DHX32: variants seen among roughly 807,000 people sequenced by gnomAD.
DHX32 encodes the protein putative pre-mRNA-splicing factor ATP-dependent RNA helicase DHX32.
A neutral mutation model predicts 70.0 loss-of-function variants in DHX32; 51 were observed. That is an observed-to-expected ratio of 0.73 (90% CI 0.58 to 0.92). The LOEUF (loss-of-function observed/expected upper bound fraction) is 0.92, where lower values mean the gene tolerates loss of function less well. Among genes scored for constraint, DHX32 ranks in the 40% least tolerant of loss-of-function variants. The probability of loss-of-function intolerance (pLI) is 0.00; values close to 1 mark genes in which losing one functional copy is unlikely to be tolerated. For missense variants in DHX32, 762 were observed against 891.8 expected (o/e 0.85, Z 1.85); for synonymous variants, 310 against 315.3 (o/e 0.98, Z 0.18).
intron 1 of DHX32, among the ~76,000 whole-genome samples, chr10:125,870,586 GCACTTTGGGAGGC>G (rs1264561648): frequency 6.6e-6 from 1 of 152,114 alleles, no homozygotes; most frequent in African/African-American, 2.4e-5. Context: ...TGTAATCTCA[GCACTTTGGGAGGC>G]CAAGGCGGGT....
At chr10:125,863,741 G>A (rs1944203430) in intron 2 of DHX32, among the ~76,000 whole-genome samples, 1 of 152,106 alleles carries the variant, frequency 6.6e-6, no homozygotes, top group South Asian at 2.1e-4. Context: ...GAGCCACCGT[G>A]CCCGGCCAAT....
chr10:125,840,769 T>C, intron 8 of DHX32, 78 bp downstream of exon 8: 2 of 1,435,994 alleles, frequency 1.4e-6, no homozygotes. Context: ...GAATGTTTGA[T>C]GAATAACTAA....
intron 7 of DHX32, 135 bp from the exon 8 acceptor site, chr10:125,841,131 G>T (rs1447362951): frequency 2.2e-6 from 3 of 1,367,972 alleles, no homozygotes; most frequent in Non-Finnish European, 3.0e-6. Flanking sequence ...TGTTATTCTT[G>T]TTTACTTAGA....
Position 125,866,257 on chromosome 10 carries a change from G to A in DHX32, c.476+733C>T, listed in dbSNP as rs1257894971. On this transcript the variant is annotated intron_variant, in intron 2 of 10. Coordinates refer to ENST00000284690, the MANE Select transcript of DHX32 (RefSeq NM_018180.3). This position sits in a 1 kb window ranked among gnomAD's most constrained non-coding sequence, Gnocchi z 4.8. Reference sequence around the variant, plus strand: ...GCTTGAGAAGCACTAGCCCAGAGCAGTGATTTTTCCAGTTTCTTTTTCCTT... The same window carrying A: ...GCTTGAGAAGCACTAGCCCAGAGCAATGATTTTTCCAGTTTCTTTTTCCTT... 6.6e-6 allele frequency among the ~76,000 whole-genome samples: 1 copy of A among 152,270 alleles called. No homozygotes were observed. Among genetic ancestry groups the A allele is most frequent in the Non-Finnish European group, 1.5e-5 (1 of 68,048 alleles).
chr10:125,860,878 G>A (rs1052637381), intron 2 of DHX32, among the ~76,000 whole-genome samples: 92 of 145,264 alleles, frequency 6.3e-4, no homozygotes, highest in Non-Finnish European at 1.2e-3. Flanking sequence ...TCAGCCTCCA[G>A]AGTAGCTGGG....
rs754476166 is a variant in DHX32, at chr10:125,838,211, A to T, written c.2058T>A (p.Pro686=). The T allele has an allele frequency of 6.2e-7, 1 of 1,602,174 alleles. No individual in the cohort carries two copies. The highest frequency in any genetic ancestry group is 1.8e-5 in the Admixed American group (1 of 57,012). The part of the protein sequence containing the change: ...NYIRITSEIS[P]ELFMQLVPQY... ...TTCTTCTCCATTAAACTTACAGTTC[A>T]GGAGAGATTTCTGAGGTAATCCTGA... The change falls in exon 10 of 11, where the codon CCT becomes CCA. Residue 686 remains proline (P), a synonymous_variant. Coordinates refer to ENST00000284690, the MANE Select transcript of DHX32 (RefSeq NM_018180.3).
rs1589713523 is a variant in DHX32 at position 125,863,571 on chromosome 10, C to T, written c.476+3419G>A. Among the ~76,000 whole-genome samples the T allele has an allele frequency of 2.6e-5, 4 of 152,104 alleles. No homozygotes were observed. In the South Asian group the frequency reaches 8.3e-4, roughly 32 times the overall value. ...CACGCCATTCTCCTGCCTCAGCCTC[C>T]TGAGCAGCTGGGACTATAGGCACCT... On this transcript the variant is annotated intron_variant, in intron 2 of 10. Transcript: ENST00000284690.
intron 7 of DHX32, chr10:125,841,236 C>A: frequency 6.2e-7 from 1 of 1,609,676 alleles, no homozygotes; most frequent in Non-Finnish European, 8.5e-7. Context: ...TGGTTAATAT[C>A]CTGCTTCTAT....
intron 6 of DHX32, among the ~76,000 whole-genome samples, chr10:125,852,045 CCT>C (rs761755963): frequency 6.6e-6 from 1 of 152,208 alleles, no homozygotes; most frequent in Non-Finnish European, 1.5e-5. Flanking sequence ...GCCCAGTTCC[CCT>C]GTGCTGCAGT....
At chr10:125,874,312 AT>A (rs1944271813) in intron 1 of DHX32, among the ~76,000 whole-genome samples, 1 of 152,202 alleles carries the variant, frequency 6.6e-6, no homozygotes, top group African/African-American at 2.4e-5. Flanking sequence ...CACTATCTAA[AT>A]TAGTTTAGGA....
intron 2 of DHX32, among the ~76,000 whole-genome samples, chr10:125,860,410 TA>T (rs1944179168): frequency 6.6e-6 from 1 of 152,206 alleles, no homozygotes. Flanking sequence ...GATACAAGAA[TA>T]ACCATCCTGG....
chr10:125,846,443 C>T (rs1410048277), intron 6 of DHX32, among the ~76,000 whole-genome samples: 1 of 152,154 alleles, frequency 6.6e-6, no homozygotes, highest in African/African-American at 2.4e-5. Flanking sequence ...TTCATGATTT[C>T]CTCATAAGGG....
chr10:125,884,428 A>G (rs1944332518), upstream of DHX32, among the ~76,000 whole-genome samples: 1 of 152,258 alleles, frequency 6.6e-6, no homozygotes, highest in South Asian at 2.1e-4. Flanking sequence ...ACATTCCACT[A>G]TAAGAAATTT....
chr10:125,877,610 C>T (rs973864823), intron 1 of DHX32, among the ~76,000 whole-genome samples: 3 of 152,078 alleles, frequency 2.0e-5, no homozygotes, highest in Admixed American at 6.6e-5. Flanking sequence ...TTGCTTGAAC[C>T]GGGAGACGGA....
chr10:125,876,273 T>C (rs916146785), intron 1 of DHX32, among the ~76,000 whole-genome samples: 2 of 152,244 alleles, frequency 1.3e-5, no homozygotes, highest in African/African-American at 2.4e-5. Flanking sequence ...ATTGGAGTAA[T>C]AGTACAACTC....
chr10:125,872,439 C>T (rs542864016), intron 1 of DHX32, among the ~76,000 whole-genome samples: 2 of 152,240 alleles, frequency 1.3e-5, no homozygotes, highest in South Asian at 4.1e-4. Flanking sequence ...CACTTTGTGA[C>T]TGAGTACTTA....
At chr10:125,884,326 G>C (rs144715495), upstream of DHX32, among the ~76,000 whole-genome samples, 57 of 152,300 alleles carry the variant, frequency 3.7e-4, no homozygotes, top group East Asian at 7.9e-3. Context: ...AAATTTAACA[G>C]TACCAGTCTA....
At chr10:125,860,000 A>C in intron 2 of DHX32, 25 bp from the exon 3 acceptor site, 1 of 1,508,162 alleles carries the variant, frequency 6.6e-7, no homozygotes, top group Non-Finnish European at 8.8e-7. Flanking sequence ...CATTAAAGTT[A>C]GAATATTCTT....
intron 1 of DHX32, among the ~76,000 whole-genome samples, chr10:125,876,630 A>C (rs1465304468): frequency 6.6e-6 from 1 of 152,194 alleles, no homozygotes. Flanking sequence ...CAGAGCCGGA[A>C]CCTAACCCTA....
Sources: allele counts gnomAD v4.1 joint callset (sites outside exome capture counted in the v4.1 genomes callset), GRCh38; gene constraint gnomAD v4.1.1; non-coding constraint Gnocchi (gnomAD v3.1); transcripts MANE v1.5; gene names NCBI Gene and HGNC (gene_info 2026-07-23, HGNC 2026-07-21).